Variants in MTMR12 observed in about 807,000 individuals in gnomAD.
MTMR12 encodes myotubularin-related protein 12.
MTMR12 carries 33 observed loss-of-function variants against 96.7 expected under a neutral mutation model. The observed-to-expected ratio is 0.34, with a 90% CI of 0.26 to 0.46. The LOEUF (loss-of-function observed/expected upper bound fraction) is 0.46, where lower values mean the gene tolerates loss of function less well. MTMR12 is among the 20% of genes least tolerant of loss of function. The probability of loss-of-function intolerance (pLI) is 1.00; values close to 1 mark genes in which losing one functional copy is unlikely to be tolerated. For missense variants in MTMR12, 721 were observed against 896.1 expected (o/e 0.80, Z 2.49); for synonymous variants, 298 against 327.2 (o/e 0.91, Z 0.96).
intron 6 of MTMR12, among the ~76,000 whole-genome samples, chr5:32,266,991 A>C (rs1385630305): frequency 6.6e-6 from 1 of 151,680 alleles, no homozygotes; most frequent in Non-Finnish European, 1.5e-5. Context: ...GAGGCAGGAG[A>C]ATTGCTTGAA....
intron 1 of MTMR12, among the ~76,000 whole-genome samples, chr5:32,311,035 G>C (rs1460836945): frequency 6.6e-6 from 1 of 151,912 alleles, no homozygotes; most frequent in Non-Finnish European, 1.5e-5. Context: ...CACCATGCCT[G>C]GCTAATTTTA....
intron 6 of MTMR12, among the ~76,000 whole-genome samples, chr5:32,264,157 GCCC>G (rs1251966396): frequency 6.6e-6 from 1 of 152,166 alleles, no homozygotes; most frequent in African/African-American, 2.4e-5. Flanking sequence ...AGGACAAAAT[GCCC>G]TGGAGCACCG....
intron 5 of MTMR12, 41 bp from the exon 6 acceptor site, chr5:32,268,835 C>G (rs368216756): frequency 6.9e-5 from 103 of 1,499,220 alleles, no homozygotes; most frequent in Non-Finnish European, 1.1e-5. Flanking sequence ...ATGGTTTTGA[C>G]AGATAAACAC....
intron 10 of MTMR12, chr5:32,247,758 G>A (rs1044604404): frequency 1.2e-4 from 115 of 985,304 alleles, no homozygotes; most frequent in Non-Finnish European, 1.3e-4. Flanking sequence ...TGCTGAGGAA[G>A]GGGAGAAGAG....
rs1747818689 is a variant in MTMR12, at chr5:32,228,516, A to AATATATATCATATATATGATATATATATC, written c.*1233_*1261dup. 9.2e-6 allele frequency: 1 copy of AATATATATCATATATATGATATATATATC among 108,224 alleles called. No homozygotes were observed. The highest frequency in any genetic ancestry group is 2.0e-5 in the Non-Finnish European group (1 of 49,844). The allele number at this position is 108,224 out of a possible 1,614,324, so 6.7% of individuals were successfully genotyped here. A position where few individuals can be genotyped will look rare whatever the true frequency, so the allele number is the denominator to read the frequency against. ...AAGTATACTTTCCTGCATTAAAAAA[A>AATATATATCATATATATGATATATATATC]ATATATATCATATATATGATATATA... On this transcript the variant is annotated 3_prime_UTR_variant, in exon 16 of 16. Coordinates refer to ENST00000382142, the MANE Select transcript of MTMR12 (RefSeq NM_001040446.3).
At chr5:32,232,040 G>T (rs1269890794) in intron 15 of MTMR12, among the ~76,000 whole-genome samples, 1 of 152,228 alleles carries the variant, frequency 6.6e-6, no homozygotes, top group Non-Finnish European at 1.5e-5. Flanking sequence ...CCTTGGTCCT[G>T]GAAGCCCCCT....
At chr5:32,250,461 G>GC (rs1319960129) in intron 8 of MTMR12, among the ~76,000 whole-genome samples, 1 of 152,206 alleles carries the variant, frequency 6.6e-6, no homozygotes, top group Non-Finnish European at 1.5e-5. Flanking sequence ...TAATCAAAGG[G>GC]CCCTTTGCTG....
intron 7 of MTMR12, among the ~76,000 whole-genome samples, chr5:32,257,187 T>C (rs930062229): frequency 2.6e-5 from 4 of 152,120 alleles, no homozygotes; most frequent in African/African-American, 9.7e-5. Context: ...AAAAATTAGC[T>C]GGACGAAGTG....
Position 32,293,422 on chromosome 5 carries a change from C to T in MTMR12, c.82-16680G>A, listed in dbSNP as rs4618438. Among the ~76,000 whole-genome samples, 1,311 of 152,260 alleles carry T rather than the reference C, an allele frequency of 8.6e-3. 14 individuals are homozygous for T. The highest frequency in any genetic ancestry group is 0.03 in the African/African-American group (1,247 of 41,554). On this transcript the variant is annotated intron_variant, in intron 1 of 15. Coordinates refer to ENST00000382142, the MANE Select transcript of MTMR12 (RefSeq NM_001040446.3). ...CATCTTTCTCCCATGCTGGATGCTT[C>T]GTGCCCTGAAACATCAGACGCCAAG...
At chr5:32,310,934 C>A (rs1751565364) in intron 1 of MTMR12, among the ~76,000 whole-genome samples, 1 of 150,092 alleles carries the variant, frequency 6.7e-6, no homozygotes, top group African/African-American at 2.4e-5. Context: ...AGTGCAGTGG[C>A]GCGATCTCGG....
At chr5:32,258,631 C>T (rs922976044) in intron 7 of MTMR12, among the ~76,000 whole-genome samples, 4 of 152,150 alleles carry the variant, frequency 2.6e-5, no homozygotes, top group Non-Finnish European at 5.9e-5. Flanking sequence ...GAATATTAGA[C>T]AAGAGCCTCC....
rs551711017 is a variant in MTMR12, at chr5:32,297,807, G to T, written c.81+14951C>A. On this transcript the variant is annotated intron_variant, in intron 1 of 15. Coordinates refer to ENST00000382142, the MANE Select transcript of MTMR12 (RefSeq NM_001040446.3). Reference sequence around the variant, plus strand: ...AATAAATGTTAGGACCCAAATACCAGTATAAGCCTCAGATCCCACAGACCT... The same window carrying T: ...AATAAATGTTAGGACCCAAATACCATTATAAGCCTCAGATCCCACAGACCT... Among the ~76,000 whole-genome samples, 7 of 152,240 alleles carry T rather than the reference G, an allele frequency of 4.6e-5. No individual in the cohort carries two copies. The East Asian group carries it at 1.2e-3, about 25-fold the overall frequency.
At chr5:32,266,551 G>C (rs1749600845) in intron 6 of MTMR12, among the ~76,000 whole-genome samples, 1 of 151,828 alleles carries the variant, frequency 6.6e-6, no homozygotes. Context: ...AGCCACATGT[G>C]GTGGCATGCG....
At chr5:32,288,197 G>A (rs1581635753) in intron 1 of MTMR12, among the ~76,000 whole-genome samples, 1 of 152,320 alleles carries the variant, frequency 6.6e-6, no homozygotes, top group Admixed American at 6.5e-5. Flanking sequence ...CTTGGAATGG[G>A]AACGTGTGGG....
chr5:32,291,894 T>A (rs1186053522), intron 1 of MTMR12, among the ~76,000 whole-genome samples: 1 of 152,200 alleles, frequency 6.6e-6, no homozygotes, highest in Non-Finnish European at 1.5e-5. Flanking sequence ...GGCAGAGGTT[T>A]GTCTTCACTG....
chr5:32,242,557 C>T (rs1195166129), intron 11 of MTMR12, among the ~76,000 whole-genome samples: 1 of 151,946 alleles, frequency 6.6e-6, no homozygotes, highest in Non-Finnish European at 1.5e-5. Flanking sequence ...TCCTTTTTGT[C>T]TCTCTCTACA....
At chr5:32,252,534 C>T (rs1748975669) in intron 8 of MTMR12, among the ~76,000 whole-genome samples, 1 of 152,200 alleles carries the variant, frequency 6.6e-6, no homozygotes, top group South Asian at 2.1e-4. Flanking sequence ...TACATGCAAT[C>T]TTGCAGATCA....
chr5:32,272,759 T>C (rs1749887142), intron 3 of MTMR12, among the ~76,000 whole-genome samples: 1 of 152,148 alleles, frequency 6.6e-6, no homozygotes, highest in Admixed American at 6.6e-5. Flanking sequence ...GGGGAAGTTA[T>C]GTACAGGTTA....
rs1747845822 is a variant in MTMR12, at chr5:32,228,580, CATATATATGTGATATATAT to C, written c.*1179_*1197del. 9.0e-6 allele frequency: 1 copy of C among 111,662 alleles called. No individual in the cohort carries two copies. The highest frequency in any genetic ancestry group is 1.7e-5 in the Non-Finnish European group (1 of 58,900). The allele number at this position is 111,662 out of a possible 1,614,324, so 6.9% of individuals were successfully genotyped here. On this transcript the variant is annotated 3_prime_UTR_variant, in exon 16 of 16. Transcript: ENST00000382142. ...TGATATATATATATCATATATATAT[CATATATATGTGATATATAT>C]ATATATATCATATATATGATATATA...
Sources: allele counts gnomAD v4.1 joint callset (sites outside exome capture counted in the v4.1 genomes callset), GRCh38; gene constraint gnomAD v4.1.1; transcripts MANE v1.5; gene names NCBI Gene and HGNC (gene_info 2026-07-23, HGNC 2026-07-21).